Variants in GLIS3 observed in about 807,000 individuals in gnomAD.
GLIS3 encodes the protein GLIS family zinc finger 3.
A neutral mutation model predicts 78.6 loss-of-function variants in GLIS3; 53 were observed. The observed-to-expected ratio is 0.67, with a 90% CI of 0.54 to 0.85. The LOEUF (loss-of-function observed/expected upper bound fraction) is 0.85, where lower values mean the gene tolerates loss of function less well. GLIS3 is among the 40% of genes least tolerant of loss of function. The pLI, the probability that GLIS3 is intolerant of heterozygous loss-of-function variation, is 0.00. For synonymous variants in GLIS3, 684 were observed against 509.9 expected, an observed-to-expected ratio of 1.34 and a Z score of -4.60; for missense variants, 1,703 against 1,231.1, an observed-to-expected ratio of 1.38 and a Z score of -5.74.
In GLIS3 at chr9:3,991,948, C is replaced by T. The variant is rs539428894; in HGVS notation, c.1711-54759G>A. Among the ~76,000 whole-genome samples the T allele has an allele frequency of 5.6e-4, 85 of 152,238 alleles. 1 individual carries two copies. Among genetic ancestry groups the T allele is most frequent in the Middle Eastern group, 3.4e-3 (1 of 294 alleles). ...TTCGTGATCCGCCCGCCTCGGCCTCCCAAAGTGCTGGGATTACAGGCATGA... is the reference window on the plus strand; with the variant it reads ...TTCGTGATCCGCCCGCCTCGGCCTCTCAAAGTGCTGGGATTACAGGCATGA... On this transcript the variant is annotated intron_variant, in intron 4 of 10. Coordinates refer to ENST00000381971, the MANE Select transcript of GLIS3 (RefSeq NM_001042413.2).
the GLIS3 span, among the ~76,000 whole-genome samples, chr9:4,401,753 A>G: frequency 6.7e-6 from 1 of 148,152 alleles, no homozygotes; most frequent in African/African-American, 2.6e-5. Context: ...TACCATGCCC[A>G]GCTAATTTTT....
At chr9:4,444,586 C>T in the GLIS3 span, among the ~76,000 whole-genome samples, 11 of 152,334 alleles carry the variant, frequency 7.2e-5, no homozygotes, top group African/African-American at 2.6e-4. Flanking sequence ...GACATGACTT[C>T]GCAGGTCTGG....
intron 4 of GLIS3, among the ~76,000 whole-genome samples, chr9:3,987,063 C>T (rs946772895): frequency 6.6e-6 from 1 of 151,956 alleles, no homozygotes; most frequent in African/African-American, 2.4e-5. Flanking sequence ...AATGCTTCAA[C>T]AATGAATTAC....
chr9:4,426,001 G>A, the GLIS3 span, among the ~76,000 whole-genome samples: 7 of 152,280 alleles, frequency 4.6e-5, no homozygotes, highest in East Asian at 1.4e-3. Context: ...TAGAGAAACT[G>A]AGGCATCTTA....
chr9:4,460,222 G>T, the GLIS3 span, among the ~76,000 whole-genome samples: 1 of 152,162 alleles, frequency 6.6e-6, no homozygotes, highest in Non-Finnish European at 1.5e-5. Context: ...TGTGGATGGA[G>T]AAAGGGGGCA....
intron 3 of GLIS3, among the ~76,000 whole-genome samples, chr9:4,124,081 A>C (rs554164107): frequency 6.6e-6 from 1 of 152,236 alleles, no homozygotes; most frequent in Non-Finnish European, 1.5e-5. Flanking sequence ...CTCTCCATTG[A>C]TGAAATACAC....
intron 4 of GLIS3, among the ~76,000 whole-genome samples, chr9:4,109,244 C>T (rs72687975): frequency 0.049 from 7,393 of 152,254 alleles, 266 homozygotes; most frequent in Middle Eastern, 0.088. Context: ...TTTAACAGTA[C>T]AATACTTCAC....
At chr9:4,440,753 T>C in the GLIS3 span, among the ~76,000 whole-genome samples, 1 of 152,218 alleles carries the variant, frequency 6.6e-6, no homozygotes, top group South Asian at 2.1e-4. Context: ...TCAGGTAATA[T>C]GGACATTTTA....
At chr9:4,357,473 A>G in the GLIS3 span, among the ~76,000 whole-genome samples, 4 of 151,970 alleles carry the variant, frequency 2.6e-5, no homozygotes, top group African/African-American at 9.7e-5. Context: ...CCAGACTCAG[A>G]CTTTATCCCA....
intron 4 of GLIS3, among the ~76,000 whole-genome samples, chr9:3,991,268 G>A (rs536934584): frequency 3.3e-5 from 5 of 152,030 alleles, no homozygotes; most frequent in Non-Finnish European, 7.4e-5. Context: ...CCATCATTAA[G>A]ACAAATGTCC....
chr9:3,960,047 G>A (rs1368078749), intron 4 of GLIS3, among the ~76,000 whole-genome samples: 2 of 152,194 alleles, frequency 1.3e-5, no homozygotes, highest in African/African-American at 4.8e-5. Context: ...AGTTGCAGAA[G>A]AATTGCTTGA....
At chr9:3,904,010 G>A (rs1213649103) in intron 6 of GLIS3, among the ~76,000 whole-genome samples, 1 of 152,074 alleles carries the variant, frequency 6.6e-6, no homozygotes, top group Non-Finnish European at 1.5e-5. Context: ...TCTTAGTCTT[G>A]GTACAATAGG....
chr9:3,849,171 A>T (rs778160291), intron 9 of GLIS3, among the ~76,000 whole-genome samples: 1 of 152,204 alleles, frequency 6.6e-6, no homozygotes, highest in Non-Finnish European at 1.5e-5. Flanking sequence ...AAGTACGGAA[A>T]CCTAAGAGAA....
chr9:4,050,631 G>A (rs769702236), intron 4 of GLIS3, among the ~76,000 whole-genome samples: 24 of 152,052 alleles, frequency 1.6e-4, no homozygotes, highest in East Asian at 3.9e-4. Flanking sequence ...AAAATCTTCC[G>A]AGGAATGTTT....
intron 4 of GLIS3, chr9:4,305,373 C>G (rs1817202116): frequency 6.6e-6 from 1 of 152,166 alleles, no homozygotes; most frequent in Non-Finnish European, 1.5e-5. Flanking sequence ...TTCAGTTCCA[C>G]TACATGAGTT....
intron 1 of GLIS3, among the ~76,000 whole-genome samples, chr9:4,292,532 G>T (rs1346292936): frequency 1.3e-5 from 2 of 152,104 alleles, no homozygotes; most frequent in Non-Finnish European, 2.9e-5. Flanking sequence ...ACAAAATATA[G>T]CTAGAATGAA....
chr9:4,448,538 T>C, the GLIS3 span, among the ~76,000 whole-genome samples: 7 of 152,252 alleles, frequency 4.6e-5, no homozygotes, highest in African/African-American at 9.6e-5. Flanking sequence ...CTGCACATTG[T>C]TGTTGTCATT....
At chr9:4,061,047 T>C (rs1484895848) in intron 4 of GLIS3, among the ~76,000 whole-genome samples, 1 of 149,798 alleles carries the variant, frequency 6.7e-6, no homozygotes, top group Non-Finnish European at 1.5e-5. Flanking sequence ...ATCTGCTTCA[T>C]AATGGCTACT....
intron 4 of GLIS3, chr9:4,071,450 G>C (rs1041733400): frequency 6.6e-6 from 1 of 152,132 alleles, no homozygotes; most frequent in African/African-American, 2.4e-5. Context: ...TTGCCAATGA[G>C]ATATGATGGG....
Sources: allele counts gnomAD v4.1 joint callset (sites outside exome capture counted in the v4.1 genomes callset), GRCh38; gene constraint gnomAD v4.1.1; transcripts MANE v1.5; gene names NCBI Gene and HGNC (gene_info 2026-07-23, HGNC 2026-07-21).